The following COL4A3 variants were observed in gnomAD, a reference collection of about 807,000 sequenced individuals.
The protein encoded by COL4A3 is collagen type IV alpha 3 chain.
COL4A3 carries 135 observed loss-of-function variants against 217.4 expected under a neutral mutation model. That is an observed-to-expected ratio of 0.62 (90% CI 0.54 to 0.72). COL4A3 has a LOEUF of 0.72. Ranked by LOEUF, COL4A3 falls within the 30% of genes least tolerant of loss-of-function variation. The pLI, the probability that COL4A3 is intolerant of heterozygous loss-of-function variation, is 0.00. For synonymous variants in COL4A3, 690 were observed against 736.3 expected, an observed-to-expected ratio of 0.94 and a Z score of 1.02; for missense variants, 1,868 against 2,119.9, an observed-to-expected ratio of 0.88 and a Z score of 2.33.
chr2:227,277,685 G>A, intron 28 of COL4A3, 132 bp downstream of exon 28: 1 of 657,138 alleles, frequency 1.5e-6, no homozygotes, highest in South Asian at 1.8e-5. Context: ...AGTAAAATAG[G>A]AAATATCCAT....
Position 227,244,303 on chromosome 2 carries a change from T to C in COL4A3, c.235-17T>C. 1 of 1,613,714 alleles carries C rather than the reference T, an allele frequency of 6.2e-7. No individual in the cohort carries two copies. Among genetic ancestry groups the C allele is most frequent in the Non-Finnish European group, 8.5e-7 (1 of 1,179,694 alleles). ...ATTTTCAGAGTGTTTACTTTTTCTT[T>C]TTTCACTTGAATCTAGGGCTTTCCA... On this transcript the variant is annotated splice_polypyrimidine_tract_variant and intron_variant, in intron 3 of 51. Coordinates refer to ENST00000396578, the MANE Select transcript of COL4A3 (RefSeq NM_000091.5).
intron 1 of COL4A3, among the ~76,000 whole-genome samples, chr2:227,230,419 T>C (rs184091951): frequency 6.6e-5 from 10 of 152,322 alleles, no homozygotes; most frequent in African/African-American, 2.2e-4. Context: ...TCCATTAAGA[T>C]ATGAGGAAAC....
At chr2:227,203,415 GTGTATACATACATATA>G (rs1474809700) in intron 1 of COL4A3, among the ~76,000 whole-genome samples, 1 of 59,668 alleles carries the variant, frequency 1.7e-5, no homozygotes, top group African/African-American at 7.0e-5. Flanking sequence ...ATACATATAT[GTGTATACATACATATA>G]TGTGTGTATA....
chr2:227,177,542 G>A (rs2065723760), intron 1 of COL4A3, among the ~76,000 whole-genome samples: 1 of 152,062 alleles, frequency 6.6e-6, no homozygotes, highest in Non-Finnish European at 1.5e-5. Context: ...CCCTCTTATT[G>A]AACATTTTGA....
At chr2:227,246,821 C>A in intron 7 of COL4A3, 83 bp downstream of exon 7, 1 of 1,201,080 alleles carries the variant, frequency 8.3e-7, no homozygotes, top group Non-Finnish European at 1.2e-6. Flanking sequence ...ATACACAAAT[C>A]CGTCATGACT....
At chr2:227,236,647 A>G (rs887318140) in intron 1 of COL4A3, among the ~76,000 whole-genome samples, 1 of 150,430 alleles carries the variant, frequency 6.6e-6, no homozygotes. Flanking sequence ...AATATGCAGC[A>G]TATATGTCAA....
intron 24 of COL4A3, among the ~76,000 whole-genome samples, chr2:227,270,390 G>A (rs931828944): frequency 1.3e-4 from 20 of 152,248 alleles, no homozygotes; most frequent in African/African-American, 3.1e-4. Flanking sequence ...CAATAAGTCC[G>A]TTAAAAATTA....
In COL4A3 at chr2:227,202,744, A is replaced by T. The variant is rs76039880; in HGVS notation, c.88-35224A>T. Among the ~76,000 whole-genome samples, 90 of 66,804 alleles carry T rather than the reference A, an allele frequency of 1.3e-3. 5 individuals carry two copies. The highest frequency in any genetic ancestry group is 5.5e-3 in the East Asian group (18 of 3,246). The allele number at this position is 66,804 out of a possible 152,430, so 43.8% of individuals were successfully genotyped here. A position where few individuals can be genotyped will look rare whatever the true frequency, so the allele number is the denominator to read the frequency against. ...TGCGAGAATCCGTCTCTAAAAAAAA[A>T]AAATATATATATATATATATATATA... On this transcript the variant is annotated intron_variant, in intron 1 of 51. Coordinates refer to ENST00000396578, the MANE Select transcript of COL4A3 (RefSeq NM_000091.5).
At chr2:227,183,085 A>G (rs189498418) in intron 1 of COL4A3, among the ~76,000 whole-genome samples, 1 of 152,318 alleles carries the variant, frequency 6.6e-6, no homozygotes, top group Admixed American at 6.5e-5. Flanking sequence ...AATTGATCTA[A>G]ATAGAGTGGG....
At chr2:227,274,274 T>TAAA in intron 26 of COL4A3, among the ~76,000 whole-genome samples, 2 of 150,566 alleles carry the variant, frequency 1.3e-5, no homozygotes, top group South Asian at 2.1e-4. Flanking sequence ...AATAAATAAA[T>TAAA]TTTAAAAATC....
intron 38 of COL4A3, 101 bp from the exon 39 acceptor site, chr2:227,294,389 C>T (rs755505149): frequency 3.0e-5 from 26 of 853,990 alleles, no homozygotes; most frequent in Non-Finnish European, 4.3e-5. Context: ...TTAAGGCCAG[C>T]GTGAGCATGG....
intron 37 of COL4A3, among the ~76,000 whole-genome samples, chr2:227,292,904 A>G (rs532157237): frequency 6.6e-6 from 1 of 152,244 alleles, no homozygotes; most frequent in East Asian, 1.9e-4. Context: ...GTGCAGTCAC[A>G]GAAATCCTGT....
rs746935744 is a variant in COL4A3 at position 227,308,842 on chromosome 2, G to A, written c.4463-57G>A. 8 of 1,554,116 alleles carry A rather than the reference G, an allele frequency of 5.1e-6. No homozygotes were observed. The South Asian group carries it at 6.7e-5, about 13-fold the overall frequency. On this transcript the variant is annotated intron_variant, in intron 48 of 51. Coordinates refer to ENST00000396578, the MANE Select transcript of COL4A3 (RefSeq NM_000091.5). ...TTTAAATTAGCTTCTCTCTAGTAAC[G>A]ATGCTGAAAATAACTTTAACTTACT...
chr2:227,185,936 TG>T lies in COL4A3; in HGVS notation c.87+21124del, dbSNP rs1413569288. ...AGACTGAGGAAGAAGAGGGAACGCC[TG>T]CCTCTCTCTGGGCATCACCCTCTTG... is the stretch of plus-strand genomic sequence containing the variant. On this transcript the variant is annotated intron_variant, in intron 1 of 51. Transcript: ENST00000396578. Among the ~76,000 whole-genome samples the T allele has an allele frequency of 5.9e-5, 9 of 152,342 alleles. No homozygotes were observed. The East Asian group carries it at 1.7e-3, about 29-fold the overall frequency.
At chr2:227,172,581 C>CTTTTTTTTTT (rs11315628) in intron 1 of COL4A3, among the ~76,000 whole-genome samples, 11 of 73,592 alleles carry the variant, frequency 1.5e-4, no homozygotes, top group Non-Finnish European at 1.9e-4. Context: ...TCGTCTTCTT[C>CTTTTTTTTTT]TTTTTTTTTT....
intron 23 of COL4A3, among the ~76,000 whole-genome samples, chr2:227,269,626 T>C (rs1559884226): frequency 1.3e-5 from 2 of 152,168 alleles, no homozygotes; most frequent in Non-Finnish European, 2.9e-5. Flanking sequence ...TTTCTTATAA[T>C]GAGCATATAT....
In COL4A3 at chr2:227,280,041, T is replaced by C. The variant is rs558600989; in HGVS notation, c.2223+151T>C. Reference sequence around the variant, plus strand: ...ATATTAAATTTTTTAAATGTTTCTCTGGATCATCTTCCATTTTAGAAAGGA... The same window carrying C: ...ATATTAAATTTTTTAAATGTTTCTCCGGATCATCTTCCATTTTAGAAAGGA... On this transcript the variant is annotated intron_variant, in intron 29 of 51. Transcript: ENST00000396578. 9.6e-6 allele frequency: 6 copies of C among 626,056 alleles called. No homozygotes were observed. In the South Asian group the frequency reaches 1.3e-4, roughly 14 times the overall value. 38.8% of individuals were successfully genotyped at this position (626,056 alleles called of 1,614,324 possible). A position where few individuals can be genotyped will look rare whatever the true frequency, so the allele number is the denominator to read the frequency against.
intron 25 of COL4A3, among the ~76,000 whole-genome samples, chr2:227,271,461 ATTTTTTTTT>A (rs397988092): frequency 7.3e-4 from 76 of 104,704 alleles, no homozygotes; most frequent in African/African-American, 2.1e-3. Context: ...ACCTACCAAG[ATTTTTTTTT>A]TTTTTTTTTT....
chr2:227,311,874 TAAA>T lies in COL4A3; in HGVS notation c.*8_*10del. On this transcript the variant is annotated 3_prime_UTR_variant, in exon 52 of 52. Transcript: ENST00000396578. ...GTGCATGAAGAAAAGACACTGAAGC[TAAA>T]AAAGACAGCAGAACTGCTATTTTTC... The T allele has an allele frequency of 1.9e-6, 3 of 1,613,692 alleles. No individual in the cohort carries two copies. Among genetic ancestry groups the T allele is most frequent in the South Asian group, 2.2e-5 (2 of 91,052 alleles).
Sources: allele counts gnomAD v4.1 joint callset (sites outside exome capture counted in the v4.1 genomes callset), GRCh38; gene constraint gnomAD v4.1.1; transcripts MANE v1.5; gene names NCBI Gene and HGNC (gene_info 2026-07-23, HGNC 2026-07-21).